TRPC4AP: variants seen among roughly 807,000 people sequenced by gnomAD.
TRPC4AP encodes transient receptor potential cation channel subfamily C member 4 associated protein.
Under a neutral mutation model 99.0 loss-of-function variants are expected in TRPC4AP, and 45 were observed. That is an observed-to-expected ratio of 0.45 (90% CI 0.36 to 0.58). The LOEUF is 0.58. TRPC4AP is among the 20% of genes least tolerant of loss of function. TRPC4AP has a pLI of 0.00. For missense variants in TRPC4AP, 879 were observed against 985.3 expected (o/e 0.89, Z 1.44); for synonymous variants, 408 against 385.8 (o/e 1.06, Z -0.67).
intron 7 of TRPC4AP, among the ~76,000 whole-genome samples, chr20:35,043,663 A>G (rs2083492961): frequency 6.6e-6 from 1 of 152,210 alleles, no homozygotes; most frequent in Non-Finnish European, 1.5e-5. Context: ...ATATACACAC[A>G]TAACTATGAT....
intron 1 of TRPC4AP, among the ~76,000 whole-genome samples, chr20:35,092,084 A>G (rs1239242957): frequency 6.6e-6 from 1 of 152,238 alleles, no homozygotes; most frequent in Non-Finnish European, 1.5e-5. Context: ...ACGAAATTAT[A>G]GACTAAGAAA....
intron 5 of TRPC4AP, among the ~76,000 whole-genome samples, chr20:35,051,615 TAAA>T (rs56666362): frequency 3.5e-5 from 4 of 115,390 alleles, no homozygotes; most frequent in Non-Finnish European, 1.9e-5. Flanking sequence ...ACTGACACAT[TAAA>T]AAAAAAAAAA....
chr20:35,012,923 G>A, intron 11 of TRPC4AP, 85 bp downstream of exon 11: 1 of 1,433,382 alleles, frequency 7.0e-7, no homozygotes, highest in Non-Finnish European at 9.8e-7. Context: ...CTCCTCTCGA[G>A]CTGAGGTCAG....
At chr20:35,079,845 C>T (rs373417798) in intron 1 of TRPC4AP, among the ~76,000 whole-genome samples, 3 of 141,252 alleles carry the variant, frequency 2.1e-5, no homozygotes, top group African/African-American at 7.7e-5. Context: ...AGCGAGAGCT[C>T]GCCTCTACTA....
intron 6 of TRPC4AP, among the ~76,000 whole-genome samples, chr20:35,046,205 C>T (rs1004480536): frequency 1.3e-5 from 2 of 152,062 alleles, no homozygotes; most frequent in African/African-American, 4.8e-5. Flanking sequence ...TTAATAAATA[C>T]CCTATATATA....
At chr20:35,027,905 G>T (rs915776494) in intron 8 of TRPC4AP, among the ~76,000 whole-genome samples, 2 of 151,756 alleles carry the variant, frequency 1.3e-5, no homozygotes, top group African/African-American at 4.8e-5. Context: ...GGTCAGTGTG[G>T]CTAAAAGTTT....
In TRPC4AP at chr20:35,002,446, G is replaced by A. The variant is rs992456817; in HGVS notation, c.*700C>T. The A allele has an allele frequency of 5.1e-6, 2 of 390,144 alleles. No individual in the cohort carries two copies. Among genetic ancestry groups the A allele is most frequent in the African/African-American group, 4.1e-5 (2 of 48,402 alleles). The allele number at this position is 390,144 out of a possible 1,614,324, so 24.2% of individuals were successfully genotyped here. ...TTATTTAATAGTCTCCATTTAATTGGTTTATTTGCTGTTAATAAATTGGCA... is the reference window on the plus strand; with the variant it reads ...TTATTTAATAGTCTCCATTTAATTGATTTATTTGCTGTTAATAAATTGGCA... On this transcript the variant is annotated 3_prime_UTR_variant, in exon 19 of 19. Coordinates refer to ENST00000252015, the MANE Select transcript of TRPC4AP (RefSeq NM_015638.3).
chr20:35,007,677 C>T, intron 13 of TRPC4AP, 37 bp from the exon 14 acceptor site: 1 of 1,607,334 alleles, frequency 6.2e-7, no homozygotes, highest in Non-Finnish European at 8.5e-7. Context: ...GCTAAGGCTG[C>T]CCTCTTCCGG....
At chr20:35,087,382 G>GTTC (rs2084917154) in intron 1 of TRPC4AP, among the ~76,000 whole-genome samples, 1 of 149,722 alleles carries the variant, frequency 6.7e-6, no homozygotes, top group Non-Finnish European at 1.5e-5. Context: ...AAAATATAAA[G>GTTC]TAAGGAACAC....
chr20:35,008,716 A>G lies in TRPC4AP; in HGVS notation c.1543T>C (p.Leu515=), dbSNP rs752262808. Residue 515 remains leucine (L), a synonymous_variant, in exon 13 of 19, where the codon TTA becomes CTA. Transcript: ENST00000252015. ...SLVCDGKRGL[L]TRLLQVMKKE... ...TTCATGACCTGCAGCAGACGAGTTAATAAGCCCCTCTTCCCATCACACACC... is the reference window on the plus strand; with the variant it reads ...TTCATGACCTGCAGCAGACGAGTTAGTAAGCCCCTCTTCCCATCACACACC... 2 of 1,613,996 alleles carry G rather than the reference A, an allele frequency of 1.2e-6. No individual in the cohort carries two copies. The highest frequency in any genetic ancestry group is 1.1e-5 in the South Asian group (1 of 91,088).
chr20:35,027,377 C>T (rs2083057822), intron 8 of TRPC4AP, among the ~76,000 whole-genome samples: 1 of 152,218 alleles, frequency 6.6e-6, no homozygotes, highest in South Asian at 2.1e-4. Flanking sequence ...TTGAACCAAA[C>T]TTGCATAAAT....
rs987556343 is a variant in TRPC4AP at position 35,002,846 on chromosome 20, T to C, written c.*300A>G. The C allele has an allele frequency of 4.1e-5, 12 of 291,020 alleles. No individual in the cohort carries two copies. The highest frequency in any genetic ancestry group is 2.4e-4 in the Admixed American group (5 of 21,092). The allele number at this position is 291,020 out of a possible 1,614,324, so 18.0% of individuals were successfully genotyped here. On this transcript the variant is annotated 3_prime_UTR_variant, in exon 19 of 19. Coordinates refer to ENST00000252015, the MANE Select transcript of TRPC4AP (RefSeq NM_015638.3). ...TGACAGCCAAGAAACCGGCAGGAGC[T>C]CACACAGAGCTAATGCTAAATGTCC...
chr20:35,003,896 CG>C (rs2082454903), intron 17 of TRPC4AP, among the ~76,000 whole-genome samples: 2 of 152,326 alleles, frequency 1.3e-5, no homozygotes, highest in Admixed American at 6.5e-5. Flanking sequence ...TCACTCCTTC[CG>C]GAAGGTCCGT....
chr20:35,006,994 C>CT (rs926013066), intron 14 of TRPC4AP, among the ~76,000 whole-genome samples: 1 of 152,206 alleles, frequency 6.6e-6, no homozygotes, highest in African/African-American at 2.4e-5. Context: ...CATGGTTTGT[C>CT]TTTGTGTTTA....
chr20:35,004,667 A>C, intron 16 of TRPC4AP, 97 bp from the exon 17 acceptor site: 1 of 1,012,926 alleles, frequency 9.9e-7, no homozygotes. Flanking sequence ...CTGACTCTGA[A>C]GCTAGGAGCT....
chr20:35,048,156 T>C (rs983900604), intron 6 of TRPC4AP, among the ~76,000 whole-genome samples: 3 of 152,050 alleles, frequency 2.0e-5, no homozygotes, highest in African/African-American at 4.8e-5. Flanking sequence ...GTTCATAACA[T>C]TGCCCATTTG....
chr20:35,032,503 G>A (rs6088685), intron 8 of TRPC4AP, among the ~76,000 whole-genome samples: 25,422 of 120,806 alleles, frequency 0.21, 2,475 homozygotes, highest in Middle Eastern at 0.43. Flanking sequence ...ACAGAGTCTC[G>A]CACTGTCGCC....
At chr20:35,046,563 T>C (rs2083565943) in intron 6 of TRPC4AP, among the ~76,000 whole-genome samples, 1 of 152,166 alleles carries the variant, frequency 6.6e-6, no homozygotes, top group Non-Finnish European at 1.5e-5. Context: ...CAGGACCTGG[T>C]AGCAAGGGTA....
chr20:35,035,223 G>A lies in TRPC4AP; in HGVS notation c.951C>T (p.Ser317=). ...ACCACTCTTCCAACTCCTGAAGGAAGCTGGCTGTGCCCGTTGACTCTGACA... is the reference window on the plus strand; with the variant it reads ...ACCACTCTTCCAACTCCTGAAGGAAACTGGCTGTGCCCGTTGACTCTGACA... The part of the protein sequence containing the change: ...RKVSESTGTA[S]FLQELEEWYT... The change falls in exon 8 of 19, where the codon AGC becomes AGT. Residue 317 remains serine (S), a synonymous_variant. Coordinates refer to ENST00000252015, the MANE Select transcript of TRPC4AP (RefSeq NM_015638.3). 1 of 1,614,190 alleles carries A rather than the reference G, an allele frequency of 6.2e-7. No homozygotes were observed. The highest frequency in any genetic ancestry group is 8.5e-7 in the Non-Finnish European group (1 of 1,180,032).
Sources: allele counts gnomAD v4.1 joint callset (sites outside exome capture counted in the v4.1 genomes callset), GRCh38; gene constraint gnomAD v4.1.1; transcripts MANE v1.5; gene names NCBI Gene and HGNC (gene_info 2026-07-23, HGNC 2026-07-21).